SAMD12: variants seen among roughly 807,000 people sequenced by gnomAD.
The protein encoded by SAMD12 is sterile alpha motif domain containing 12.
SAMD12 carries 9 observed loss-of-function variants against 15.0 expected under a neutral mutation model. The ratio of observed to expected loss-of-function variants is 0.60; its 90% CI spans 0.36 to 1.05. The LOEUF is 1.05. Ranked by LOEUF, SAMD12 falls within the 50% of genes least tolerant of loss-of-function variation. The pLI is 0.01. For synonymous variants in SAMD12, 86 were observed against 90.1 expected, an observed-to-expected ratio of 0.96 and a Z score of 0.25; for missense variants, 230 against 234.2, an observed-to-expected ratio of 0.98 and a Z score of 0.12.
intron 1 of SAMD12, among the ~76,000 whole-genome samples, chr8:118,589,582 T>G (rs909006291): frequency 4.6e-5 from 7 of 152,198 alleles, no homozygotes; most frequent in African/African-American, 1.7e-4. Context: ...GTCCAAGGCA[T>G]GAATATTAAC....
chr8:118,585,170 T>A (rs1827406528), intron 1 of SAMD12, among the ~76,000 whole-genome samples: 1 of 152,160 alleles, frequency 6.6e-6, no homozygotes, highest in South Asian at 2.1e-4. Flanking sequence ...TTGAAGACAT[T>A]ATGCTAAAGT....
At chr8:118,354,852 C>T (rs1250448462) in intron 4 of SAMD12, among the ~76,000 whole-genome samples, 2 of 152,212 alleles carry the variant, frequency 1.3e-5, no homozygotes, top group Admixed American at 1.3e-4. Flanking sequence ...GTCTGCCTTG[C>T]TTTGTTCATT....
At chr8:118,532,660 G>A (rs1273609775) in intron 2 of SAMD12, among the ~76,000 whole-genome samples, 2 of 152,138 alleles carry the variant, frequency 1.3e-5, no homozygotes, top group Non-Finnish European at 2.9e-5. Context: ...TCCTGGTTTA[G>A]TCTTGGGAGG....
chr8:118,316,622 C>T (rs1233963006), intron 4 of SAMD12, among the ~76,000 whole-genome samples: 3 of 151,936 alleles, frequency 2.0e-5, no homozygotes, highest in Non-Finnish European at 4.4e-5. Flanking sequence ...GGATGTGGAA[C>T]AATTAGAACT....
chr8:118,609,160 G>A (rs1828048396), intron 1 of SAMD12, among the ~76,000 whole-genome samples: 1 of 152,186 alleles, frequency 6.6e-6, no homozygotes, highest in African/African-American at 2.4e-5. Flanking sequence ...AAGTTTTAGT[G>A]AATCCATGAG....
intron 2 of SAMD12, among the ~76,000 whole-genome samples, chr8:118,460,796 C>T (rs377251855): frequency 3.8e-4 from 58 of 152,272 alleles, no homozygotes; most frequent in African/African-American, 1.3e-3. Flanking sequence ...CATGCACACA[C>T]ACAGGTGTTC....
At position 118,243,464 on chromosome 8, in the gene SAMD12, T is replaced by G. The variant is rs541959274; in HGVS notation, c.434-45732A>C. On this transcript the variant is annotated intron_variant, in intron 4 of 4. Coordinates refer to the SAMD12 transcript ENST00000409003. The stretch of plus-strand genomic sequence containing the variant: ...CCTGCATGCACTGTACCACTCCATT[T>G]TTTTTAAAAAAAACTATATACTCAG... 2.0e-5 allele frequency among the ~76,000 whole-genome samples: 3 copies of G among 152,040 alleles called. No individual in the cohort carries two copies. In the East Asian group the frequency reaches 5.8e-4, roughly 29 times the overall value.
At chr8:118,543,191 A>G (rs1213294391) in intron 2 of SAMD12, among the ~76,000 whole-genome samples, 1 of 152,140 alleles carries the variant, frequency 6.6e-6, no homozygotes, top group African/African-American at 2.4e-5. Flanking sequence ...GGTCCTGCAG[A>G]CTTGCTGACT....
At chr8:118,385,170 G>A (rs1819887322) in intron 3 of SAMD12, among the ~76,000 whole-genome samples, 1 of 152,160 alleles carries the variant, frequency 6.6e-6, no homozygotes, top group African/African-American at 2.4e-5. Context: ...TGGTTATGAG[G>A]TGCCCGGGTA....
chr8:118,181,475 G>C, the SAMD12 span, among the ~76,000 whole-genome samples: 1 of 152,288 alleles, frequency 6.6e-6, no homozygotes, highest in South Asian at 2.1e-4. Flanking sequence ...CAATTAGAGA[G>C]CCACATCTTC....
intron 2 of SAMD12, among the ~76,000 whole-genome samples, chr8:118,487,950 T>C (rs1417269755): frequency 1.3e-5 from 2 of 152,158 alleles, no homozygotes. Context: ...ATATAATCCA[T>C]TGTTACCCCA....
rs76059128 is a variant in SAMD12 at position 118,250,940 on chromosome 8, A to T, written c.434-53208T>A. On this transcript the variant is annotated intron_variant, in intron 4 of 4. Transcript: ENST00000409003. ...GGACTGCCATATTTACTAAATAGTTACCTTGTCCTATAGTGTTCTAAGTCC... is the reference window on the plus strand; with the variant it reads ...GGACTGCCATATTTACTAAATAGTTTCCTTGTCCTATAGTGTTCTAAGTCC... 7.5e-3 allele frequency among the ~76,000 whole-genome samples: 1,142 copies of T among 152,214 alleles called. 6 individuals carry two copies. The highest frequency in any genetic ancestry group is 0.011 in the Non-Finnish European group (765 of 67,994).
In SAMD12 at chr8:118,442,172, A is replaced by G. The variant is rs565985254; in HGVS notation, c.193-2211T>C. Among the ~76,000 whole-genome samples the G allele has an allele frequency of 3.3e-5, 5 of 152,342 alleles. No individual in the cohort carries two copies. In the South Asian group the frequency reaches 1.0e-3, roughly 32 times the overall value. On this transcript the variant is annotated intron_variant, in intron 2 of 3. Transcript: ENST00000314727. ...GGGTAAATTGTTTTGCAATCCTAGTAAGTGGAATACATGGTGAAGATGGGA... is the reference window on the plus strand; with the variant it reads ...GGGTAAATTGTTTTGCAATCCTAGTGAGTGGAATACATGGTGAAGATGGGA...
At chr8:118,535,884 C>T (rs2131135436) in intron 2 of SAMD12, among the ~76,000 whole-genome samples, 1 of 152,316 alleles carries the variant, frequency 6.6e-6, no homozygotes, top group South Asian at 2.1e-4. Flanking sequence ...TTCCCTGACC[C>T]CTTGCACTTC....
At position 118,432,702 on chromosome 8, in the gene SAMD12, C is replaced by T. The variant is rs149237507; in HGVS notation, c.322+7130G>A. 4.6e-5 allele frequency among the ~76,000 whole-genome samples: 7 copies of T among 152,192 alleles called. No individual in the cohort carries two copies. In the East Asian group the frequency reaches 9.7e-4, roughly 21 times the overall value. On this transcript the variant is annotated intron_variant, in intron 3 of 3. Coordinates refer to ENST00000314727, the MANE Select transcript of SAMD12 (RefSeq NM_207506.3). ...AGGAGGTGGTATCTAAAACTCAAGC[C>T]AGAAGGAAAACTGGAATTATTCAGG...
intron 4 of SAMD12, among the ~76,000 whole-genome samples, chr8:118,320,263 GGA>G (rs1816162060): frequency 6.6e-6 from 1 of 152,076 alleles, no homozygotes; most frequent in Non-Finnish European, 1.5e-5. Context: ...ATCAGACTGT[GGA>G]ACAAATGGGA....
chr8:118,380,650 C>T (rs189880234), intron 3 of SAMD12, among the ~76,000 whole-genome samples: 1 of 152,192 alleles, frequency 6.6e-6, no homozygotes, highest in Non-Finnish European at 1.5e-5. Context: ...CTACTCATCA[C>T]ATCTGCAGAT....
intron 2 of SAMD12, among the ~76,000 whole-genome samples, chr8:118,473,229 T>A (rs1197352257): frequency 6.6e-6 from 1 of 152,194 alleles, no homozygotes. Context: ...CACTGTAACC[T>A]CCTCTACAGC....
intron 4 of SAMD12, among the ~76,000 whole-genome samples, chr8:118,218,944 T>C (rs1812023784): frequency 6.6e-6 from 1 of 152,184 alleles, no homozygotes; most frequent in Admixed American, 6.5e-5. Flanking sequence ...CATTTAATAA[T>C]TGGGAGATTT....
Sources: gnomAD v4.1 joint callset for allele counts (sites outside exome capture counted in the v4.1 genomes callset) on GRCh38, gnomAD v4.1.1 for gene constraint, MANE v1.5 for transcripts, NCBI Gene and HGNC (gene_info 2026-07-23, HGNC 2026-07-21) for gene names.